FSD1L: variants seen among roughly 807,000 people sequenced by gnomAD.
FSD1L encodes FSD1-like protein.
Under a neutral mutation model 71.6 loss-of-function variants are expected in FSD1L, and 45 were observed. The ratio of observed to expected loss-of-function variants is 0.63; its 90% CI spans 0.49 to 0.81. FSD1L has a LOEUF of 0.81. Ranked by LOEUF, FSD1L falls within the 30% of genes least tolerant of loss-of-function variation. The probability of loss-of-function intolerance (pLI) is 0.00; values close to 1 mark genes in which losing one functional copy is unlikely to be tolerated. For synonymous variants in FSD1L, 197 were observed against 207.2 expected (o/e 0.95, Z 0.42); for missense variants, 561 against 618.1 (o/e 0.91, Z 0.98).
At chr9:105,498,032 ATGGGGTC>A (rs1833525862) in intron 7 of FSD1L, among the ~76,000 whole-genome samples, 1 of 151,786 alleles carries the variant, frequency 6.6e-6, no homozygotes, top group Non-Finnish European at 1.5e-5. Flanking sequence ...TTTTGTAGAG[ATGGGGTC>A]TTACTGTGTT....
At chr9:105,462,306 C>G (rs973643149) in intron 2 of FSD1L, among the ~76,000 whole-genome samples, 13 of 149,034 alleles carry the variant, frequency 8.7e-5, no homozygotes, top group Non-Finnish European at 1.6e-4. Flanking sequence ...ACCTCCACCT[C>G]CCGGGTTCAA....
intron 13 of FSD1L, among the ~76,000 whole-genome samples, chr9:105,544,424 A>T (rs1044302870): frequency 3.9e-5 from 6 of 152,228 alleles, no homozygotes; most frequent in Admixed American, 3.9e-4. Context: ...GAAGCTCTTC[A>T]GTTTAATTAG....
chr9:105,491,436 G>A lies in FSD1L; in HGVS notation c.586+6934G>A, dbSNP rs558086641. On this transcript the variant is annotated intron_variant, in intron 7 of 13. Transcript: ENST00000481272. ...GGTTTCCTAGATATACAATCATGTC[G>A]TCTGCAAACAGGGACAATTTGACTT... 8.3e-3 allele frequency among the ~76,000 whole-genome samples: 1,265 copies of A among 151,932 alleles called. 19 individuals are homozygous for A. Among genetic ancestry groups the A allele is most frequent in the African/African-American group, 0.029 (1,205 of 41,280 alleles).
intron 5 of FSD1L, among the ~76,000 whole-genome samples, chr9:105,478,205 AC>A (rs771146785): frequency 1.3e-5 from 2 of 152,326 alleles, no homozygotes; most frequent in Non-Finnish European, 1.5e-5. Flanking sequence ...AGATCGTGCC[AC>A]TGCACTCCAG....
intron 3 of FSD1L, among the ~76,000 whole-genome samples, chr9:105,466,994 A>G (rs933023580): frequency 2.6e-5 from 4 of 152,212 alleles, no homozygotes; most frequent in Non-Finnish European, 2.9e-5. Context: ...AGGCAACAAG[A>G]TGCCATCTGG....
intron 1 of FSD1L, among the ~76,000 whole-genome samples, chr9:105,451,978 T>C (rs1830033026): frequency 6.6e-6 from 1 of 152,134 alleles, no homozygotes. Context: ...CAAGAGCATA[T>C]ATTGTCACTT....
chr9:105,545,524 A>G (rs1589122040), intron 13 of FSD1L, among the ~76,000 whole-genome samples: 1 of 150,554 alleles, frequency 6.6e-6, no homozygotes, highest in Non-Finnish European at 1.5e-5. Flanking sequence ...GAATGCTTCC[A>G]GTTTTTGCCC....
At chr9:105,529,273 G>T (rs941047043) in intron 10 of FSD1L, among the ~76,000 whole-genome samples, 2 of 152,180 alleles carry the variant, frequency 1.3e-5, no homozygotes, top group Non-Finnish European at 2.9e-5. Flanking sequence ...CCATTACTGG[G>T]TATATACCCA....
rs1835184929 is a variant in FSD1L, at chr9:105,521,869, T to C, written c.1025+8933T>C. On this transcript the variant is annotated intron_variant, in intron 10 of 13. Transcript: ENST00000481272. ...TTTATTATAAACTCATCAAATATATTTCTTCTTGAACCTGCAAATGAAATA... is the reference window on the plus strand; with the variant it reads ...TTTATTATAAACTCATCAAATATATCTCTTCTTGAACCTGCAAATGAAATA... 3.7e-6 allele frequency: 6 copies of C among 1,612,400 alleles called. No individual in the cohort carries two copies. The Admixed American group carries it at 1.0e-4, about 27-fold the overall frequency.
chr9:105,506,307 C>CA, intron 7 of FSD1L, 92 bp from the exon 8 acceptor site: 1 of 935,752 alleles, frequency 1.1e-6, no homozygotes, highest in Non-Finnish European at 1.6e-6. Context: ...AATGAAAAAG[C>CA]AGTTTGAATG....
At chr9:105,467,933 A>G (rs963177884) in intron 3 of FSD1L, among the ~76,000 whole-genome samples, 7 of 152,350 alleles carry the variant, frequency 4.6e-5, no homozygotes, top group African/African-American at 1.7e-4. Flanking sequence ...TGGAAACAGT[A>G]AAGTGAAGAG....
intron 7 of FSD1L, among the ~76,000 whole-genome samples, chr9:105,487,665 T>A (rs1832642518): frequency 6.6e-6 from 1 of 152,150 alleles, no homozygotes; most frequent in Non-Finnish European, 1.5e-5. Context: ...GTGGTGTATA[T>A]CCTTGCTCAC....
At chr9:105,454,980 A>G (rs1181870166) in intron 1 of FSD1L, among the ~76,000 whole-genome samples, 2 of 152,120 alleles carry the variant, frequency 1.3e-5, no homozygotes, top group East Asian at 3.8e-4. Context: ...TGAATTTCCC[A>G]GTTCTCTTTT....
At chr9:105,491,623 T>C (rs1416242886) in intron 7 of FSD1L, among the ~76,000 whole-genome samples, 62 of 152,150 alleles carry the variant, frequency 4.1e-4, no homozygotes, top group African/African-American at 1.3e-3. Flanking sequence ...CAGTATGATA[T>C]TGGCTGTGGG....
intron 2 of FSD1L, among the ~76,000 whole-genome samples, chr9:105,462,648 G>C (rs1332157305): frequency 6.7e-6 from 1 of 148,186 alleles, no homozygotes; most frequent in Admixed American, 6.8e-5. Flanking sequence ...TCAGCCTCCT[G>C]AGTAGCTGGG....
chr9:105,454,656 C>A (rs1017687616), intron 1 of FSD1L, among the ~76,000 whole-genome samples: 1 of 152,186 alleles, frequency 6.6e-6, no homozygotes, highest in South Asian at 2.1e-4. Flanking sequence ...CTGGGTAAAA[C>A]AGCCAGTTCA....
intron 7 of FSD1L, among the ~76,000 whole-genome samples, chr9:105,493,703 C>G (rs11533004): frequency 0.67 from 101,449 of 151,010 alleles, 34,333 homozygotes; most frequent in African/African-American, 0.74. Context: ...CTGGTGGTGA[C>G]AAAATCTCTC....
intron 3 of FSD1L, among the ~76,000 whole-genome samples, chr9:105,465,028 A>T (rs777176385): frequency 6.6e-6 from 1 of 152,190 alleles, no homozygotes; most frequent in Non-Finnish European, 1.5e-5. Context: ...GTAGAAGTAG[A>T]TGAAAGTAAC....
At chr9:105,495,938 C>T (rs1054986783) in intron 7 of FSD1L, among the ~76,000 whole-genome samples, 7 of 149,650 alleles carry the variant, frequency 4.7e-5, no homozygotes, top group Non-Finnish European at 7.4e-5. Flanking sequence ...CACCACTGCA[C>T]TGCAGCCTGG....
Sources: allele counts gnomAD v4.1 joint callset (sites outside exome capture counted in the v4.1 genomes callset), GRCh38; gene constraint gnomAD v4.1.1; transcripts MANE v1.5; gene names NCBI Gene and HGNC (gene_info 2026-07-23, HGNC 2026-07-21).